The following ABCA12 variants were observed in gnomAD, a reference collection of about 807,000 sequenced individuals.
ABCA12 encodes glucosylceramide transporter ABCA12.
ABCA12 carries 156 observed loss-of-function variants against 293.5 expected under a neutral mutation model. The observed-to-expected ratio is 0.53, with a 90% CI of 0.47 to 0.61. The LOEUF (loss-of-function observed/expected upper bound fraction) is 0.61. Among genes scored for constraint, ABCA12 ranks in the 20% least tolerant of loss-of-function variants. The probability of loss-of-function intolerance (pLI) is 0.00; values close to 1 mark genes in which losing one functional copy is unlikely to be tolerated. For missense variants in ABCA12, 2,797 were observed against 3,090.2 expected, an observed-to-expected ratio of 0.91 and a Z score of 2.25; for synonymous variants, 1,063 against 1,108.0, an observed-to-expected ratio of 0.96 and a Z score of 0.81.
At chr2:214,970,548 G>A in intron 36 of ABCA12, 148 bp from the exon 37 acceptor site, 1 of 830,672 alleles carries the variant, frequency 1.2e-6, no homozygotes, top group Non-Finnish European at 1.9e-6. Context: ...AAAGAGCTTT[G>A]AAAAAGAAGT....
chr2:214,978,558 A>AATT, intron 32 of ABCA12, 92 bp from the exon 33 acceptor site: 1 of 1,468,478 alleles, frequency 6.8e-7, no homozygotes, highest in Non-Finnish European at 9.3e-7. Flanking sequence ...CTTTTATCAC[A>AATT]TTTACTGAGA....
At chr2:214,980,803 C>G (rs541276437) in intron 30 of ABCA12, among the ~76,000 whole-genome samples, 160 bp from the exon 31 acceptor site, 1 of 152,140 alleles carries the variant, frequency 6.6e-6, no homozygotes, top group Admixed American at 6.5e-5. Flanking sequence ...CAAAATGATG[C>G]AAGAAAAATT....
In ABCA12 at chr2:214,947,552, A is replaced by G. The variant is rs752156383; in HGVS notation, c.7109T>C (p.Val2370Ala). ...GTGAAGTCTCCTAAGGAGTTTATGA[A>G]CAGTCTGTAGGCAATAAAAGGGGAG... Reference protein sequence around the residue: ...GIPEKDIKETVHKLLRRLHLM... With the variant: ...GIPEKDIKETAHKLLRRLHLM... Residue 2370 changes from valine to alanine, a missense_variant, in exon 48 of 53, where the codon GTT (valine) becomes GCT (alanine). By Grantham distance (64) the Val-to-Ala change is moderately conservative. This residue lies in a region of ABCA12 where 2,130 missense variants were observed against 2,427.0 expected (regional missense o/e 0.88). Coordinates refer to ENST00000272895, the MANE Select transcript of ABCA12 (RefSeq NM_173076.3). 5.6e-6 allele frequency: 9 copies of G among 1,613,866 alleles called. No individual in the cohort carries two copies. In the East Asian group the frequency reaches 2.0e-4, roughly 36 times the overall value.
chr2:215,090,471 C>A (rs1246126589), intron 2 of ABCA12, among the ~76,000 whole-genome samples: 3 of 152,202 alleles, frequency 2.0e-5, no homozygotes, highest in Non-Finnish European at 4.4e-5. Context: ...TTATTCTCTT[C>A]TCTAACCTCT....
At chr2:215,084,058 GC>G (rs1329075439) in intron 2 of ABCA12, among the ~76,000 whole-genome samples, 27 of 151,994 alleles carry the variant, frequency 1.8e-4, no homozygotes, top group African/African-American at 6.5e-4. Flanking sequence ...GCTCACTGCA[GC>G]CCCGACCTCC....
At chr2:215,015,789 T>C in intron 14 of ABCA12, 126 bp from the exon 15 acceptor site, 2 of 807,720 alleles carry the variant, frequency 2.5e-6, no homozygotes, top group Non-Finnish European at 2.0e-6. Flanking sequence ...ATCAAACAAC[T>C]TTTCATCTAA....
At chr2:215,086,541 C>T (rs1702041876) in intron 2 of ABCA12, among the ~76,000 whole-genome samples, 1 of 152,170 alleles carries the variant, frequency 6.6e-6, no homozygotes, top group African/African-American at 2.4e-5. Flanking sequence ...TGTACCTCCA[C>T]CTTTACATGA....
chr2:215,054,722 A>C, intron 3 of ABCA12, 58 bp from the exon 4 acceptor site: 1 of 1,332,504 alleles, frequency 7.5e-7, no homozygotes, highest in South Asian at 1.2e-5. Context: ...TAGTTACAGC[A>C]ATGTATTATG....
At position 215,018,107 on chromosome 2, in the gene ABCA12, A is replaced by G. The variant is rs755492666; in HGVS notation, c.1683T>C (p.Asn561=). Residue 561 remains asparagine (N), a synonymous_variant, in exon 14 of 53, where the codon AAT becomes AAC. Coordinates refer to ENST00000272895, the MANE Select transcript of ABCA12 (RefSeq NM_173076.3). ...KPGQLLEMFK[N]VEELKEDLRR... Reference sequence around the variant, plus strand: ...TTAAATCTTCTTTCAGCTCTTCAACATTTTTAAACATTTCTAGTAACTGAC... The same window carrying G: ...TTAAATCTTCTTTCAGCTCTTCAACGTTTTTAAACATTTCTAGTAACTGAC... The G allele has an allele frequency of 6.8e-6, 11 of 1,613,556 alleles. 1 individual carries two copies. Among genetic ancestry groups the G allele is most frequent in the Middle Eastern group, 1.6e-4 (1 of 6,084 alleles).
intron 2 of ABCA12, among the ~76,000 whole-genome samples, chr2:215,088,815 A>G (rs1702086945): frequency 6.6e-6 from 1 of 152,184 alleles, no homozygotes; most frequent in Admixed American, 6.5e-5. Flanking sequence ...GTCATTAGGA[A>G]TGCTGAATTA....
At chr2:215,084,122 CACGT>C in intron 2 of ABCA12, among the ~76,000 whole-genome samples, 1 of 152,146 alleles carries the variant, frequency 6.6e-6, no homozygotes, top group South Asian at 2.1e-4. Flanking sequence ...GGACTACAGA[CACGT>C]ACCACCACAC....
intron 2 of ABCA12, among the ~76,000 whole-genome samples, chr2:215,074,564 T>C (rs770048341): frequency 1.3e-5 from 2 of 152,088 alleles, no homozygotes; most frequent in Admixed American, 1.3e-4. Flanking sequence ...TTGATAGAGG[T>C]TGGCCACAAA....
chr2:215,136,362 C>A (rs1703225960), intron 1 of ABCA12, among the ~76,000 whole-genome samples: 1 of 152,082 alleles, frequency 6.6e-6, no homozygotes, highest in Non-Finnish European at 1.5e-5. Flanking sequence ...ATTGATATAC[C>A]TACTACTTTC....
At chr2:214,949,689 TATAA>T (rs1190488055) in intron 45 of ABCA12, among the ~76,000 whole-genome samples, 2 of 152,164 alleles carry the variant, frequency 1.3e-5, no homozygotes, top group African/African-American at 4.8e-5. Flanking sequence ...ATGGCAAGAA[TATAA>T]ATAAATAGAT....
intron 15 of ABCA12, among the ~76,000 whole-genome samples, chr2:215,014,672 C>T (rs567710774): frequency 2.6e-5 from 4 of 152,132 alleles, no homozygotes; most frequent in Non-Finnish European, 5.9e-5. Context: ...GTTAGGAGAC[C>T]ACTGCAGAAA....
Position 214,937,571 on chromosome 2 carries a change from T to C in ABCA12, c.7481A>G (p.Lys2494Arg), listed in dbSNP as rs1347677139. 1.9e-6 allele frequency: 3 copies of C among 1,613,978 alleles called. No homozygotes were observed. Among genetic ancestry groups the C allele is most frequent in the Admixed American group, 1.7e-5 (1 of 59,994 alleles). Residue 2494 changes from lysine to arginine, a missense_variant, in exon 51 of 53, where the codon AAA becomes AGA. Coordinates refer to ENST00000272895, the MANE Select transcript of ABCA12 (RefSeq NM_173076.3). ...FTVKVHLKNN[K>R]VTMETLTKFM... ...CTTTGTGAGGGTCTCCATGGTCACTTTGTTATTCTTCAAGTGAACTTTGAC... is the reference window on the plus strand; with the variant it reads ...CTTTGTGAGGGTCTCCATGGTCACTCTGTTATTCTTCAAGTGAACTTTGAC...
chr2:215,107,976 T>C (rs1167343100), intron 2 of ABCA12, among the ~76,000 whole-genome samples: 2 of 152,174 alleles, frequency 1.3e-5, no homozygotes, highest in African/African-American at 2.4e-5. Flanking sequence ...TCCCGTGGTA[T>C]GTTTTCAAGG....
chr2:215,020,292 G>GCACACACACACACACACA (rs55917549), intron 11 of ABCA12, among the ~76,000 whole-genome samples: 4 of 148,808 alleles, frequency 2.7e-5, no homozygotes, highest in African/African-American at 7.4e-5. Flanking sequence ...GGGAATGTAT[G>GCACACACACACACACACA]CACACACACA....
At chr2:215,006,712 A>G (rs1700258927) in intron 19 of ABCA12, among the ~76,000 whole-genome samples, 1 of 152,104 alleles carries the variant, frequency 6.6e-6, no homozygotes, top group Non-Finnish European at 1.5e-5. Flanking sequence ...TATGCAAGCC[A>G]GTCTCTTGAA....
Sources: allele counts gnomAD v4.1 joint callset (sites outside exome capture counted in the v4.1 genomes callset), GRCh38; gene constraint gnomAD v4.1.1; regional missense constraint gnomAD v4.1.1; transcripts MANE v1.5; gene names NCBI Gene and HGNC (gene_info 2026-07-23, HGNC 2026-07-21).